The following SNTG1 variants were observed in gnomAD, a reference collection of about 807,000 sequenced individuals.
The protein encoded by SNTG1 is syntrophin gamma 1, also known as gamma-1-syntrophin.
In SNTG1, 39 loss-of-function variants were observed where a neutral mutation model predicts 74.7. The ratio of observed to expected loss-of-function variants is 0.52; its 90% CI spans 0.40 to 0.68. The LOEUF (loss-of-function observed/expected upper bound fraction) is 0.68. SNTG1 is among the 30% of genes least tolerant of loss of function. The probability of loss-of-function intolerance (pLI) is 0.00; values close to 1 mark genes in which losing one functional copy is unlikely to be tolerated. For missense variants in SNTG1, 685 were observed against 609.5 expected (o/e 1.12, Z -1.30); for synonymous variants, 254 against 217.1 (o/e 1.17, Z -1.49).
intron 2 of SNTG1, among the ~76,000 whole-genome samples, chr8:50,390,573 A>T (rs1276362138): frequency 6.6e-6 from 1 of 152,168 alleles, no homozygotes; most frequent in African/African-American, 2.4e-5. Context: ...CTTCCATATG[A>T]ACTTCAAAGT....
rs2095697501 is a variant in SNTG1, at chr8:50,793,670, T to A, written c.*841T>A. 6.6e-6 allele frequency: 1 copy of A among 151,878 alleles called. No individual in the cohort carries two copies. Among genetic ancestry groups the A allele is most frequent in the Non-Finnish European group, 1.5e-5 (1 of 67,860 alleles). The allele number at this position is 151,878 out of a possible 1,614,324, so 9.4% of individuals were successfully genotyped here. A position where few individuals can be genotyped will look rare whatever the true frequency, so the allele number is the denominator to read the frequency against. On this transcript the variant is annotated 3_prime_UTR_variant, in exon 19 of 19. Coordinates refer to ENST00000642720, the MANE Select transcript of SNTG1 (RefSeq NM_018967.5). ...ATTATCAAATTAAAGTTTCATAAAT[T>A]TTCAGTGAACCCAAAACCTTTTGTA...
Position 50,774,121 on chromosome 8 carries a change from G to A in SNTG1, c.1396-18550G>A, listed in dbSNP as rs553085000. Among the ~76,000 whole-genome samples the A allele has an allele frequency of 1.5e-3, 221 of 151,986 alleles. 1 individual carries two copies. The highest frequency in any genetic ancestry group is 5.0e-3 in the African/African-American group (207 of 41,528). On this transcript the variant is annotated intron_variant, in intron 18 of 18. Coordinates refer to ENST00000642720, the MANE Select transcript of SNTG1 (RefSeq NM_018967.5). ...AATGAAGAAAAATAGCAGAGTCTCA[G>A]AAGTCTCTATAACAGCATAAGTTAT...
intron 2 of SNTG1, among the ~76,000 whole-genome samples, chr8:50,268,495 G>A (rs1362758373): frequency 1.3e-5 from 2 of 151,954 alleles, no homozygotes; most frequent in Non-Finnish European, 2.9e-5. Context: ...CAAAAAAAGA[G>A]AATAAAGTGA....
At chr8:50,144,156 AT>A (rs755987101) in intron 1 of SNTG1, among the ~76,000 whole-genome samples, 2 of 152,236 alleles carry the variant, frequency 1.3e-5, no homozygotes, top group Admixed American at 6.5e-5. Context: ...ACTTAAAAAA[AT>A]AACTTTGAAA....
intron 1 of SNTG1, among the ~76,000 whole-genome samples, chr8:49,983,572 A>G (rs1481908742): frequency 6.6e-6 from 1 of 152,228 alleles, no homozygotes; most frequent in African/African-American, 2.4e-5. Context: ...GATAATATGT[A>G]TAAGAGCACT....
At chr8:49,928,952 C>T (rs1042865833) in intron 1 of SNTG1, among the ~76,000 whole-genome samples, 1 of 151,750 alleles carries the variant, frequency 6.6e-6, no homozygotes, top group Non-Finnish European at 1.5e-5. Flanking sequence ...TAAAAATAAT[C>T]ACAGTGGAAT....
At chr8:50,775,335 C>T (rs1203928891) in intron 18 of SNTG1, among the ~76,000 whole-genome samples, 1 of 151,490 alleles carries the variant, frequency 6.6e-6, no homozygotes, top group African/African-American at 2.4e-5. Context: ...TGATCCTGTT[C>T]TATTTTTATT....
intron 2 of SNTG1, among the ~76,000 whole-genome samples, chr8:50,208,215 G>C (rs927680525): frequency 3.3e-5 from 5 of 152,082 alleles, no homozygotes; most frequent in Non-Finnish European, 7.4e-5. Context: ...CTCTTTGTAG[G>C]TCTCTAAGAG....
chr8:50,697,597 T>C (rs2095409593), intron 15 of SNTG1, among the ~76,000 whole-genome samples: 1 of 152,212 alleles, frequency 6.6e-6, no homozygotes, highest in South Asian at 2.1e-4. Context: ...TGAGGTATGT[T>C]CCTTCTATGC....
At chr8:50,051,348 G>T (rs922925443) in intron 1 of SNTG1, among the ~76,000 whole-genome samples, 1 of 151,650 alleles carries the variant, frequency 6.6e-6, no homozygotes, top group Non-Finnish European at 1.5e-5. Flanking sequence ...AATATAAATT[G>T]TATTTTGTAC....
chr8:50,178,409 G>A lies in SNTG1; in HGVS notation c.-28+5774G>A, dbSNP rs539970443. Among the ~76,000 whole-genome samples, 885 of 144,380 alleles carry A rather than the reference G, an allele frequency of 6.1e-3. 11 individuals carry two copies. The highest frequency in any genetic ancestry group is 0.021 in the African/African-American group (836 of 39,102). 94.7% of individuals were successfully genotyped at this position (144,380 alleles called of 152,430 possible). A position where few individuals can be genotyped will look rare whatever the true frequency, so the allele number is the denominator to read the frequency against. On this transcript the variant is annotated intron_variant, in intron 2 of 18. Transcript: ENST00000642720. ...TCTCTCTCTTCACACACGTGCGCGC[G>A]CACACACACACACACACAGGGATAG...
In SNTG1 at chr8:50,297,689, C is replaced by A. The variant is rs537564251; in HGVS notation, c.-27-96523C>A. On this transcript the variant is annotated intron_variant, in intron 2 of 18. Transcript: ENST00000642720. Reference sequence around the variant, plus strand: ...CAGAACAGTTGGAGATTTTGTTATGCTACTCAGAATGGCATGCAACCTAAA... The same window carrying A: ...CAGAACAGTTGGAGATTTTGTTATGATACTCAGAATGGCATGCAACCTAAA... Among the ~76,000 whole-genome samples the A allele has an allele frequency of 1.1e-4, 16 of 152,224 alleles. No individual in the cohort carries two copies. In the South Asian group the frequency reaches 3.1e-3, roughly 30 times the overall value.
intron 15 of SNTG1, among the ~76,000 whole-genome samples, chr8:50,669,412 A>C (rs200394926): frequency 6.6e-5 from 10 of 151,856 alleles, no homozygotes; most frequent in African/African-American, 1.9e-4. Context: ...ACTACAAACA[A>C]CTCTATGCAA....
At chr8:50,165,535 A>C (rs1053190400) in intron 1 of SNTG1, among the ~76,000 whole-genome samples, 2 of 152,180 alleles carry the variant, frequency 1.3e-5, no homozygotes, top group Non-Finnish European at 2.9e-5. Context: ...AATTGACTTA[A>C]TATTGCTTAA....
intron 8 of SNTG1, among the ~76,000 whole-genome samples, chr8:50,490,114 T>G (rs570064745): frequency 8.2e-4 from 125 of 152,348 alleles, no homozygotes; most frequent in African/African-American, 2.3e-3. Context: ...GTCTCTGTTC[T>G]GTTCCATTTG....
chr8:50,258,725 T>G (rs1439336801), intron 2 of SNTG1, among the ~76,000 whole-genome samples: 2 of 152,044 alleles, frequency 1.3e-5, no homozygotes, highest in Non-Finnish European at 2.9e-5. Context: ...GGATAGAGAT[T>G]ATATCATCTG....
chr8:49,937,528 T>C (rs1201638910), intron 1 of SNTG1, among the ~76,000 whole-genome samples: 1 of 152,254 alleles, frequency 6.6e-6, no homozygotes, highest in East Asian at 1.9e-4. Context: ...TTTAAAATTC[T>C]CTATGTAGCT....
chr8:50,657,717 T>G (rs1434148474), intron 14 of SNTG1, among the ~76,000 whole-genome samples: 3 of 152,106 alleles, frequency 2.0e-5, no homozygotes, highest in Non-Finnish European at 4.4e-5. Flanking sequence ...CAAGTCGAAC[T>G]TGCTTATTTA....
chr8:50,774,556 AG>A (rs1461554822), intron 18 of SNTG1, among the ~76,000 whole-genome samples: 1 of 151,870 alleles, frequency 6.6e-6, no homozygotes, highest in Non-Finnish European at 1.5e-5. Flanking sequence ...TATAAAAAAA[AG>A]AACATTTGCC....
Sources: allele counts gnomAD v4.1 joint callset (sites outside exome capture counted in the v4.1 genomes callset), GRCh38; gene constraint gnomAD v4.1.1; transcripts MANE v1.5; gene names NCBI Gene and HGNC (gene_info 2026-07-23, HGNC 2026-07-21).